Variants in KMT2E observed in about 807,000 individuals in gnomAD.
KMT2E encodes the protein histone reader KMT2E.
In KMT2E, 30 loss-of-function variants were observed where a neutral mutation model predicts 184.6. The observed-to-expected ratio is 0.16, with a 90% CI of 0.12 to 0.22. The LOEUF (loss-of-function observed/expected upper bound fraction) is 0.22, where lower values mean the gene tolerates loss of function less well. KMT2E is among the 10% of genes least tolerant of loss of function. The pLI is 1.00. For missense variants in KMT2E, 2,023 were observed against 2,237.4 expected (o/e 0.90, Z 1.93); for synonymous variants, 815 against 776.5 (o/e 1.05, Z -0.82).
rs993895777 is a variant in KMT2E at position 105,114,890 on chromosome 7, C to T, written c.*1557C>T. On this transcript the variant is annotated 3_prime_UTR_variant, in exon 27 of 27. Coordinates refer to ENST00000311117, the MANE Select transcript of KMT2E (RefSeq NM_182931.3). The stretch of plus-strand genomic sequence containing the variant: ...AGTTTGCCATCCTCAATTTGTCCAA[C>T]AAAATTCTATTTATGGTATTTAGTA... 2.4e-4 allele frequency among the ~76,000 whole-genome samples: 36 copies of T among 152,098 alleles called. No individual in the cohort carries two copies. The highest frequency in any genetic ancestry group is 8.7e-4 in the African/African-American group (36 of 41,418).
At position 105,112,307 on chromosome 7, in the gene KMT2E, A is replaced by G; in HGVS notation, c.4551A>G (p.Thr1517=). Residue 1517 remains threonine, a synonymous_variant, in exon 27 of 27, where the codon ACA becomes ACG. Coordinates refer to ENST00000311117, the MANE Select transcript of KMT2E (RefSeq NM_182931.3). ...ATACTCAGCAGGCAACTTCTGGAAC[A>G]TTATTTACACAGACACCCTCAGGAC... ...PANTQQATSG[T]LFTQTPSGQS... is the part of the protein sequence containing the mutation. 3.1e-6 allele frequency: 5 copies of G among 1,613,986 alleles called. No homozygotes were observed. The highest frequency in any genetic ancestry group is 1.6e-4 in the Middle Eastern group (1 of 6,062).
chr7:105,092,042 A>G (rs1798226142), intron 15 of KMT2E, among the ~76,000 whole-genome samples: 1 of 152,252 alleles, frequency 6.6e-6, no homozygotes, highest in East Asian at 1.9e-4. Context: ...TTTACTTTGT[A>G]TGGTCCTTTG....
At chr7:105,107,256 G>GT (rs746572856) in intron 21 of KMT2E, 34 bp downstream of exon 21, 1 of 1,511,952 alleles carries the variant, frequency 6.6e-7, no homozygotes, top group South Asian at 1.2e-5. Flanking sequence ...TGAATTGGTA[G>GT]TTTTTTTCCT....
chr7:105,078,254 T>G (rs531329015), intron 11 of KMT2E, among the ~76,000 whole-genome samples: 11 of 152,300 alleles, frequency 7.2e-5, no homozygotes, highest in African/African-American at 2.6e-4. Flanking sequence ...GTCACTCTCT[T>G]TTTATCTTTC....
chr7:105,107,888 G>A lies in KMT2E; in HGVS notation c.3431G>A (p.Gly1144Glu). 3 of 1,613,396 alleles carry A rather than the reference G, an allele frequency of 1.9e-6. No homozygotes were observed. Among genetic ancestry groups the A allele is most frequent in the Non-Finnish European group, 2.5e-6 (3 of 1,179,754 alleles). Residue 1144 changes from glycine to glutamate, a missense_variant, in exon 22 of 27, where the codon GGG becomes GAG. Gly to Glu is a moderately conservative substitution (Grantham distance 98). Transcript: ENST00000311117. ...ACTGTTAATGACAATTTGATCGACG[G>A]GAATTGCACACCCCAGAATCCACCA... Reference protein sequence around the residue: ...GRTVNDNLIDGNCTPQNPPQK... With the variant: ...GRTVNDNLIDENCTPQNPPQK...
rs905959304 is a variant in KMT2E, at chr7:105,046,535, A to G, written c.71+5512A>G. On this transcript the variant is annotated intron_variant, in intron 3 of 26. Coordinates refer to ENST00000311117, the MANE Select transcript of KMT2E (RefSeq NM_182931.3). Reference sequence around the variant, plus strand: ...TAGCATTTTGGCATAATTTTTGTACATGTCTTTAATGATTTACTTAGAATA... The same window carrying G: ...TAGCATTTTGGCATAATTTTTGTACGTGTCTTTAATGATTTACTTAGAATA... Among the ~76,000 whole-genome samples, 7 of 152,338 alleles carry G rather than the reference A, an allele frequency of 4.6e-5. No individual in the cohort carries two copies. In the East Asian group the frequency reaches 9.6e-4, roughly 21 times the overall value.
chr7:105,082,750 T>C (rs1301425609), intron 13 of KMT2E, among the ~76,000 whole-genome samples: 1 of 152,222 alleles, frequency 6.6e-6, no homozygotes, highest in African/African-American at 2.4e-5. Context: ...TAAAAATGTT[T>C]CTATATGGTG....
In KMT2E at chr7:105,090,715, G is replaced by A. The variant is rs1798166024; in HGVS notation, c.1623+442G>A. On this transcript the variant is annotated intron_variant, in intron 14 of 26. Coordinates refer to ENST00000311117, the MANE Select transcript of KMT2E (RefSeq NM_182931.3). ...TAAGAACATATAAGGTAATTTTGGG[G>A]GTAAAGTCTGGCCAAAGTCTACCTG... Among the ~76,000 whole-genome samples, 4 of 151,960 alleles carry A rather than the reference G, an allele frequency of 2.6e-5. No individual in the cohort carries two copies. In the South Asian group the frequency reaches 8.3e-4, roughly 32 times the overall value.
intron 2 of KMT2E, among the ~76,000 whole-genome samples, chr7:105,038,843 A>G (rs1269174676): frequency 6.6e-6 from 1 of 152,182 alleles, no homozygotes; most frequent in African/African-American, 2.4e-5. Context: ...TATTAATGCA[A>G]ATAGTGAAAT....
rs770460466 is a variant in KMT2E at position 105,101,812 on chromosome 7, A to G, written c.1888-74A>G. 5.0e-4 allele frequency: 614 copies of G among 1,221,132 alleles called. 1 individual carries two copies. The highest frequency in any genetic ancestry group is 6.3e-4 in the Non-Finnish European group (557 of 890,800). The allele number at this position is 1,221,132 out of a possible 1,614,324, so 75.6% of individuals were successfully genotyped here. A position where few individuals can be genotyped will look rare whatever the true frequency, so the allele number is the denominator to read the frequency against. ...ATTCCAGAAAGTTGGCTTCTGAAGTAGAATAATGCTATTATATTTAAACTT... is the reference window on the plus strand; with the variant it reads ...ATTCCAGAAAGTTGGCTTCTGAAGTGGAATAATGCTATTATATTTAAACTT... On this transcript the variant is annotated intron_variant, in intron 16 of 26. Coordinates refer to ENST00000311117, the MANE Select transcript of KMT2E (RefSeq NM_182931.3).
intron 13 of KMT2E, among the ~76,000 whole-genome samples, chr7:105,087,305 A>AT (rs1554396446): frequency 1.4e-5 from 2 of 140,892 alleles, no homozygotes; most frequent in East Asian, 2.2e-4. Flanking sequence ...TATAATATAT[A>AT]AATATAAATA....
chr7:105,051,451 C>T (rs1015527388), intron 3 of KMT2E, among the ~76,000 whole-genome samples: 2 of 152,094 alleles, frequency 1.3e-5, no homozygotes, highest in African/African-American at 4.8e-5. Context: ...TACCAAAGTA[C>T]TGGGATTACA....
chr7:105,111,262 T>C lies in KMT2E; in HGVS notation c.4068+394T>C, dbSNP rs577267454. On this transcript the variant is annotated intron_variant, in intron 26 of 26. Coordinates refer to ENST00000311117, the MANE Select transcript of KMT2E (RefSeq NM_182931.3). ...CCTGGTTCATGAAGATGTAATAATC[T>C]AGTATGGCATGTAAATCATTGGAAA... 17 of 182,110 alleles carry C rather than the reference T, an allele frequency of 9.3e-5. No individual in the cohort carries two copies. In the East Asian group the frequency reaches 2.5e-3, roughly 27 times the overall value. 11.3% of individuals were successfully genotyped at this position (182,110 alleles called of 1,614,324 possible). A position where few individuals can be genotyped will look rare whatever the true frequency, so the allele number is the denominator to read the frequency against.
rs1301587349 is a variant in KMT2E, at chr7:105,105,555, C to T, written c.2313C>T (p.Leu771=). ...ATCCTGAAGTGTTAGCTACACAACT[C>T]AATTCTTTACCAGGTCTCACTTACA... The part of the protein sequence containing the change: ...TTDPEVLATQ[L]NSLPGLTYSP... The change falls in exon 18 of 27, where the codon CTC becomes CTT. Residue 771 remains leucine (L), a synonymous_variant. Coordinates refer to ENST00000311117, the MANE Select transcript of KMT2E (RefSeq NM_182931.3). 1 of 1,614,070 alleles carries T rather than the reference C, an allele frequency of 6.2e-7. No individual in the cohort carries two copies. Among genetic ancestry groups the T allele is most frequent in the Non-Finnish European group, 8.5e-7 (1 of 1,179,980 alleles).
At chr7:105,079,861 A>T (rs1202771423) in intron 12 of KMT2E, among the ~76,000 whole-genome samples, 1 of 150,140 alleles carries the variant, frequency 6.7e-6, no homozygotes, top group Non-Finnish European at 1.5e-5. Flanking sequence ...ATTATTTTTG[A>T]GGCAGGGTCT....
Position 105,110,793 on chromosome 7 carries a change from A to C in KMT2E, c.3993A>C (p.Glu1331Asp). 1 of 1,614,072 alleles carries C rather than the reference A, an allele frequency of 6.2e-7. No individual in the cohort carries two copies. Among genetic ancestry groups the C allele is most frequent in the Non-Finnish European group, 8.5e-7 (1 of 1,179,934 alleles). ...TAGACCCTGATCCTGAAAATCCAGA[A>C]CCCACAACTACGAATGAATGTCCAT... ...LMEDPDPENP[E>D]PTTTNECPSP... The change falls in exon 26 of 27, where the codon GAA becomes GAC. Residue 1331 changes from glutamate (E) to aspartate (D), a missense_variant. Around this residue, in one of 8 missense-constraint regions of KMT2E, gnomAD observed 1,108 missense variants for 1,050.9 expected, o/e 1.05. Coordinates refer to ENST00000311117, the MANE Select transcript of KMT2E (RefSeq NM_182931.3).
chr7:105,110,710 G>GTGT lies in KMT2E; in HGVS notation c.3971-59_3971-57dup, dbSNP rs1799196329. ...ATAGTAGAATGTATGTTGCTTTGTGGTGTTAAAACAGTGTTTATTGTGTAA... is the reference window on the plus strand; with the variant it reads ...ATAGTAGAATGTATGTTGCTTTGTGGTGTTGTTAAAACAGTGTTTATTGTGTAA... On this transcript the variant is annotated intron_variant, in intron 25 of 26. Transcript: ENST00000311117. 4 of 1,577,392 alleles carry GTGT rather than the reference G, an allele frequency of 2.5e-6. No homozygotes were observed. In the African/African-American group the frequency reaches 4.1e-5, roughly 16 times the overall value.
At chr7:105,049,949 TC>T (rs1796262511) in intron 3 of KMT2E, among the ~76,000 whole-genome samples, 1 of 152,138 alleles carries the variant, frequency 6.6e-6, no homozygotes, top group South Asian at 2.1e-4. Context: ...GTCCTGTTCC[TC>T]CACTTGCCCT....
chr7:105,100,479 C>A (rs932744613), intron 15 of KMT2E, among the ~76,000 whole-genome samples: 1 of 151,870 alleles, frequency 6.6e-6, no homozygotes, highest in Admixed American at 6.6e-5. Context: ...ACCTGTGGTT[C>A]TTTTCATTTT....
Sources: gnomAD v4.1 joint callset for allele counts (sites outside exome capture counted in the v4.1 genomes callset) on GRCh38, gnomAD v4.1.1 for gene constraint, gnomAD v4.1.1 regional missense constraint, MANE v1.5 for transcripts, NCBI Gene and HGNC (gene_info 2026-07-23, HGNC 2026-07-21) for gene names.